Variants in COL9A1 observed in about 807,000 individuals in gnomAD.
COL9A1 encodes the protein collagen type IX alpha 1 chain.
Under a neutral mutation model 142.6 loss-of-function variants are expected in COL9A1, and 104 were observed. That is an observed-to-expected ratio of 0.73 (90% CI 0.62 to 0.86). The LOEUF is 0.86. Ranked by LOEUF, COL9A1 falls within the 40% of genes least tolerant of loss-of-function variation. The pLI, the probability that COL9A1 is intolerant of heterozygous loss-of-function variation, is 0.00. For missense variants in COL9A1, 1,210 were observed against 1,176.6 expected, an observed-to-expected ratio of 1.03 and a Z score of -0.42; for synonymous variants, 466 against 396.0, an observed-to-expected ratio of 1.18 and a Z score of -2.10.
intron 36 of COL9A1, among the ~76,000 whole-genome samples, chr6:70,229,682 A>C (rs1769432303): frequency 6.6e-6 from 1 of 152,190 alleles, no homozygotes; most frequent in Non-Finnish European, 1.5e-5. Flanking sequence ...TGAATATTTA[A>C]AACTAATATT....
intron 5 of COL9A1, among the ~76,000 whole-genome samples, chr6:70,288,685 C>T (rs1773547379): frequency 6.6e-6 from 1 of 152,176 alleles, no homozygotes; most frequent in Non-Finnish European, 1.5e-5. Flanking sequence ...TTTCCACTCA[C>T]TGTTCTCTTT....
intron 19 of COL9A1, among the ~76,000 whole-genome samples, chr6:70,262,533 G>A (rs541315983): frequency 2.7e-4 from 41 of 152,208 alleles, no homozygotes; most frequent in African/African-American, 8.7e-4. Flanking sequence ...ACCTGAGCTC[G>A]TCTTCTATAG....
At chr6:70,249,099 C>T (rs1452605448) in intron 28 of COL9A1, among the ~76,000 whole-genome samples, 1 of 151,480 alleles carries the variant, frequency 6.6e-6, no homozygotes, top group Non-Finnish European at 1.5e-5. Flanking sequence ...TGAGTAAAGC[C>T]GAAATGAGAA....
chr6:70,270,266 AC>A, intron 15 of COL9A1, 47 bp downstream of exon 15: 2 of 1,574,304 alleles, frequency 1.3e-6, no homozygotes, highest in Non-Finnish European at 1.7e-6. Flanking sequence ...ATTTTTTTCA[AC>A]CCTGACTCTC....
At chr6:70,280,909 G>C in intron 9 of COL9A1, 35 bp from the exon 10 acceptor site, 1 of 1,613,394 alleles carries the variant, frequency 6.2e-7, no homozygotes, top group Non-Finnish European at 8.5e-7. Flanking sequence ...GGGCAGGAGA[G>C]AAAAAGGTGC....
At chr6:70,234,101 T>C (rs1176912390) in intron 35 of COL9A1, among the ~76,000 whole-genome samples, 6 of 152,198 alleles carry the variant, frequency 3.9e-5, no homozygotes, top group African/African-American at 1.4e-4. Context: ...TCCTTATGCT[T>C]CCTATGGGCA....
At chr6:70,218,139 T>C (rs1412559933) in intron 37 of COL9A1, among the ~76,000 whole-genome samples, 1 of 152,198 alleles carries the variant, frequency 6.6e-6, no homozygotes, top group Admixed American at 6.5e-5. Flanking sequence ...CAAGACTTCG[T>C]CTTAAAAATA....
intron 6 of COL9A1, chr6:70,283,360 C>T: frequency 1.1e-6 from 1 of 885,130 alleles, no homozygotes; most frequent in Middle Eastern, 3.3e-4. Context: ...CTGCCTCCAT[C>T]CCATCCACCC....
At position 70,302,917 on chromosome 6, in the gene COL9A1, GTCT is replaced by G. The variant is rs1389297007; in HGVS notation, c.5_7del (p.Lys2del). The G allele has an allele frequency of 3.1e-6, 5 of 1,613,894 alleles. No homozygotes were observed. The highest frequency in any genetic ancestry group is 4.2e-6 in the Non-Finnish European group (5 of 1,179,960). ...TCCAGGGTTATTGTCTTACCAGCAG[GTCT>G]TCATTTTCCCAGTTGATTTTCTTTG... On this transcript the variant is annotated inframe_deletion, in exon 1 of 38. Transcript: ENST00000357250.
chr6:70,300,113 C>A lies in COL9A1; in HGVS notation c.229G>T (p.Val77Leu), dbSNP rs777861328. The A allele has an allele frequency of 1.2e-6, 2 of 1,613,772 alleles. No homozygotes were observed. Among genetic ancestry groups the A allele is most frequent in the Non-Finnish European group, 1.7e-6 (2 of 1,179,784 alleles). The change falls in exon 4 of 38, where the codon GTA (valine) becomes TTA (leucine). Residue 77 changes from valine (V) to leucine (L), a missense_variant. Val to Leu is a conservative substitution (Grantham distance 32). Transcript: ENST00000357250. Reference sequence around the variant, plus strand: ...ACCTGCAATGTAGCTGATCCCACTACTCTCTGGATAGCTCTTCTAGATGCT... The same window carrying A: ...ACCTGCAATGTAGCTGATCCCACTAATCTCTGGATAGCTCTTCTAGATGCT... ...KAASRRAIQR[V>L]VGSATLQVAY... is the part of the protein sequence containing the mutation.
intron 5 of COL9A1, among the ~76,000 whole-genome samples, chr6:70,293,384 T>A (rs1181900878): frequency 2.0e-5 from 3 of 152,202 alleles, no homozygotes; most frequent in Non-Finnish European, 4.4e-5. Context: ...TTGTACTAGT[T>A]GGCACAATTA....
chr6:70,283,684 G>A (rs1247392091), intron 6 of COL9A1, 53 bp downstream of exon 6: 7 of 1,352,248 alleles, frequency 5.2e-6, no homozygotes, highest in Non-Finnish European at 6.3e-6. Flanking sequence ...GTGGTGAGGT[G>A]GAGAGGGTTG....
chr6:70,234,729 G>A (rs11753777), intron 34 of COL9A1, 65 bp downstream of exon 34: 1 of 1,608,662 alleles, frequency 6.2e-7, no homozygotes, highest in African/African-American at 1.3e-5. Context: ...CTGATGCCTA[G>A]AACAGCCCTG....
intron 15 of COL9A1, 42 bp from the exon 16 acceptor site, chr6:70,269,707 A>G (rs1772268040): frequency 1.6e-6 from 2 of 1,273,304 alleles, no homozygotes; most frequent in Admixed American, 3.4e-5. Flanking sequence ...ACAATTAAAT[A>G]ATGAATTCAA....
At chr6:70,240,829 G>A in intron 31 of COL9A1, 96 bp from the exon 32 acceptor site, 1 of 943,430 alleles carries the variant, frequency 1.1e-6, no homozygotes, top group Admixed American at 1.7e-5. Flanking sequence ...AGTGCCCACA[G>A]TGTTCCCAGA....
At chr6:70,269,390 G>A (rs1772247787) in intron 16 of COL9A1, among the ~76,000 whole-genome samples, 1 of 152,166 alleles carries the variant, frequency 6.6e-6, no homozygotes, top group Non-Finnish European at 1.5e-5. Context: ...CTAGTGAAAA[G>A]CATGTCTTAG....
At chr6:70,245,813 G>C (rs1770565519) in intron 28 of COL9A1, 1 of 152,154 alleles carries the variant, frequency 6.6e-6, no homozygotes, top group African/African-American at 2.4e-5. Context: ...AAATTAGCTT[G>C]GCGTGGTGGC....
intron 26 of COL9A1, among the ~76,000 whole-genome samples, chr6:70,253,015 T>C (rs1348680709): frequency 2.1e-5 from 3 of 145,668 alleles, no homozygotes; most frequent in African/African-American, 5.1e-5. Context: ...GATCAGTATG[T>C]GAAAAAAAAA....
rs34557832 is a variant in COL9A1, at chr6:70,256,718, CA to C, written c.1503+49del. On this transcript the variant is annotated intron_variant, in intron 21 of 37. Transcript: ENST00000357250. ...ATACTGCACACACATGCATACATAG[CA>C]AAAAAAAAAAAATCTATCATTGGGT... The C allele has an allele frequency of 0.14, 159,912 of 1,159,088 alleles. 686 individuals are homozygous for C. The highest frequency in any genetic ancestry group is 0.24 in the East Asian group (6,376 of 26,332). 71.8% of individuals were successfully genotyped at this position (1,159,088 alleles called of 1,614,324 possible). A position where few individuals can be genotyped will look rare whatever the true frequency, so the allele number is the denominator to read the frequency against.
Sources: allele counts gnomAD v4.1 joint callset (sites outside exome capture counted in the v4.1 genomes callset), GRCh38; gene constraint gnomAD v4.1.1; transcripts MANE v1.5; gene names NCBI Gene and HGNC (gene_info 2026-07-23, HGNC 2026-07-21).